Variants in LAMA3 observed in about 807,000 individuals in gnomAD.
The protein encoded by LAMA3 is laminin subunit alpha-3.
In LAMA3, 281 loss-of-function variants were observed where a neutral mutation model predicts 402.0. The observed-to-expected ratio is 0.70, with a 90% CI of 0.63 to 0.77. The LOEUF (loss-of-function observed/expected upper bound fraction) is 0.77, where lower values mean the gene tolerates loss of function less well. Ranked by LOEUF, LAMA3 falls within the 30% of genes least tolerant of loss-of-function variation. LAMA3 has a pLI of 0.00. For missense variants in LAMA3, 3,840 were observed against 4,215.5 expected (o/e 0.91, Z 2.47); for synonymous variants, 1,431 against 1,558.4 (o/e 0.92, Z 1.93).
In LAMA3 at chr18:23,741,149, C is replaced by T. The variant is rs533102288; in HGVS notation, c.448-6794C>T. ...TTTTTTGTATTTTTTTTAGTAGAGA[C>T]GGGGTTTCACTGTGTTAGCCAGGAG... On this transcript the variant is annotated intron_variant, in intron 2 of 74. Transcript: ENST00000313654. Among the ~76,000 whole-genome samples, 17 of 151,840 alleles carry T rather than the reference C, an allele frequency of 1.1e-4. No individual in the cohort carries two copies. In the South Asian group the frequency reaches 2.1e-3, roughly 19 times the overall value.
chr18:23,796,328 C>T (rs1375908410), intron 12 of LAMA3, among the ~76,000 whole-genome samples: 1 of 152,198 alleles, frequency 6.6e-6, no homozygotes, highest in African/African-American at 2.4e-5. Flanking sequence ...ACTGGCCAAA[C>T]CTGAGTCTTC....
At chr18:23,909,065 A>G in intron 54 of LAMA3, 88 bp from the exon 55 acceptor site, 1 of 1,300,788 alleles carries the variant, frequency 7.7e-7, no homozygotes, top group Non-Finnish European at 1.1e-6. Context: ...CAAACATGCC[A>G]CTTGACAAAT....
intron 43 of LAMA3, 96 bp from the exon 44 acceptor site, chr18:23,894,811 G>A: frequency 6.7e-7 from 1 of 1,496,546 alleles, no homozygotes; most frequent in Non-Finnish European, 9.3e-7. Context: ...GTGACGATCT[G>A]CGTGCATGCC....
chr18:23,836,106 TACACACACACACACAC>T (rs10569981), intron 24 of LAMA3, among the ~76,000 whole-genome samples: 28 of 148,042 alleles, frequency 1.9e-4, no homozygotes, highest in Non-Finnish European at 3.9e-4. Context: ...TTTTAATGGA[TACACACACACACACAC>T]ACACACACAC....
intron 1 of LAMA3, among the ~76,000 whole-genome samples, chr18:23,703,689 C>A (rs1204871712): frequency 6.6e-6 from 1 of 151,894 alleles, no homozygotes; most frequent in Admixed American, 6.6e-5. Flanking sequence ...ATACCTGGAA[C>A]CAACTTTGAG....
At chr18:23,868,753 A>G in intron 37 of LAMA3, among the ~76,000 whole-genome samples, 1 of 152,250 alleles carries the variant, frequency 6.6e-6, no homozygotes, top group Non-Finnish European at 1.5e-5. Flanking sequence ...AGCTATGAAA[A>G]TGTTTTACAT....
At chr18:23,828,519 A>T (rs2063429716) in intron 23 of LAMA3, among the ~76,000 whole-genome samples, 1 of 152,204 alleles carries the variant, frequency 6.6e-6, no homozygotes, top group South Asian at 2.1e-4. Context: ...ACATGTATAT[A>T]GGTGTACATA....
intron 10 of LAMA3, among the ~76,000 whole-genome samples, chr18:23,777,301 C>A (rs751882027): frequency 2.0e-5 from 3 of 151,812 alleles, no homozygotes; most frequent in Non-Finnish European, 2.9e-5. Context: ...CATCCCTGCT[C>A]AGGCTGAGAC....
intron 1 of LAMA3, among the ~76,000 whole-genome samples, chr18:23,702,516 G>A (rs2060809707): frequency 6.6e-6 from 1 of 152,074 alleles, no homozygotes; most frequent in Non-Finnish European, 1.5e-5. Context: ...TGTGGAGAAG[G>A]GGGTGTCACT....
At chr18:23,843,757 AT>A (rs1377231065) in intron 29 of LAMA3, among the ~76,000 whole-genome samples, 1 of 151,844 alleles carries the variant, frequency 6.6e-6, no homozygotes, top group Admixed American at 6.5e-5. Context: ...CCCCTAATTC[AT>A]CTTTTATCTT....
intron 42 of LAMA3, among the ~76,000 whole-genome samples, chr18:23,892,565 T>C (rs2080713997): frequency 6.6e-6 from 1 of 152,038 alleles, no homozygotes; most frequent in South Asian, 2.1e-4. Context: ...CCAGAAGCCA[T>C]TTACAGGCTA....
At chr18:23,905,448 C>A in intron 51 of LAMA3, 74 bp from the exon 52 acceptor site, 1 of 861,108 alleles carries the variant, frequency 1.2e-6, no homozygotes, top group Non-Finnish European at 2.0e-6. Flanking sequence ...GGGCTTCAGA[C>A]TAGGATAGAA....
rs199699665 is a variant in LAMA3 at position 23,949,755 on chromosome 18, T to G, written c.9352-10T>G. ...AGGTAATGAGCTTTTTCTTTTCTGCTTGGTTGCAGAGCCTCCCCACAAACA... is the reference window on the plus strand; with the variant it reads ...AGGTAATGAGCTTTTTCTTTTCTGCGTGGTTGCAGAGCCTCCCCACAAACA... On this transcript the variant is annotated splice_polypyrimidine_tract_variant and intron_variant, in intron 70 of 74. Transcript: ENST00000313654. The G allele has an allele frequency of 3.1e-6, 5 of 1,613,828 alleles. No homozygotes were observed. Among genetic ancestry groups the G allele is most frequent in the Non-Finnish European group, 8.5e-7 (1 of 1,179,966 alleles).
intron 11 of LAMA3, chr18:23,781,213 C>T (rs562117806): frequency 7.6e-5 from 33 of 436,532 alleles, no homozygotes; most frequent in Admixed American, 3.1e-4. Flanking sequence ...ACGGTAAAAA[C>T]GTTCCCTTTC....
chr18:23,823,489 T>C (rs899054700), intron 20 of LAMA3, among the ~76,000 whole-genome samples: 4 of 152,214 alleles, frequency 2.6e-5, no homozygotes, highest in African/African-American at 9.7e-5. Flanking sequence ...GCCCTAGTTA[T>C]GTTATGTCCC....
chr18:23,876,285 G>T lies in LAMA3; in HGVS notation c.4999-9G>T. 1.9e-6 allele frequency: 3 copies of T among 1,589,968 alleles called. No homozygotes were observed. The highest frequency in any genetic ancestry group is 2.6e-6 in the Non-Finnish European group (3 of 1,157,974). ...TTTGTATTGATTAAACACTTTGTTT[G>T]AAAAATAGGGTTGTAGCCCTGGATA... is the stretch of plus-strand genomic sequence containing the variant. On this transcript the variant is annotated splice_polypyrimidine_tract_variant and intron_variant, in intron 38 of 74. Coordinates refer to ENST00000313654, the MANE Select transcript of LAMA3 (RefSeq NM_198129.4).
At position 23,939,272 on chromosome 18, in the gene LAMA3, A is replaced by G. The variant is rs1309273991; in HGVS notation, c.8912A>G (p.Gln2971Arg). ...TCCCCAAGGAGCGTGAAGGTGTGGC[A>G]AGATGCTTGCTCACCACTTCCCAAG... is the stretch of plus-strand genomic sequence containing the variant. ...VASPRSVKVWQDACSPLPKTQ... is the reference protein window; with the variant it reads ...VASPRSVKVWRDACSPLPKTQ... The change falls in exon 68 of 75, where the codon CAA (glutamine) becomes CGA (arginine). Residue 2971 changes from glutamine to arginine, a missense_variant. By Grantham distance (43) the Gln-to-Arg change is conservative. Coordinates refer to ENST00000313654, the MANE Select transcript of LAMA3 (RefSeq NM_198129.4). 1 of 1,614,206 alleles carries G rather than the reference A, an allele frequency of 6.2e-7. No individual in the cohort carries two copies. Among genetic ancestry groups the G allele is most frequent in the Non-Finnish European group, 8.5e-7 (1 of 1,180,024 alleles).
intron 5 of LAMA3, among the ~76,000 whole-genome samples, chr18:23,752,306 T>G (rs1438651560): frequency 6.6e-6 from 1 of 152,132 alleles, no homozygotes; most frequent in African/African-American, 2.4e-5. Context: ...AAATGTACCC[T>G]ACCAATTTTT....
Position 23,868,239 on chromosome 18 carries a change from G to T in LAMA3, c.4767+322G>T, listed in dbSNP as rs370258444. On this transcript the variant is annotated intron_variant, in intron 37 of 74. Coordinates refer to ENST00000313654, the MANE Select transcript of LAMA3 (RefSeq NM_198129.4). ...AATAGAAAAAAAATTCTGAAACTTG[G>T]ATCACTTCTGGTCACAAACATTTCA... Among the ~76,000 whole-genome samples, 130 of 152,144 alleles carry T rather than the reference G, an allele frequency of 8.5e-4. 4 individuals are homozygous for T. The South Asian group carries it at 0.025, about 30-fold the overall frequency.
Sources: gnomAD v4.1 joint callset for allele counts (sites outside exome capture counted in the v4.1 genomes callset) on GRCh38, gnomAD v4.1.1 for gene constraint, MANE v1.5 for transcripts, NCBI Gene and HGNC (gene_info 2026-07-23, HGNC 2026-07-21) for gene names.